The following ADAMTS9 variants were observed in gnomAD, a reference collection of about 807,000 sequenced individuals.
ADAMTS9 encodes the protein A disintegrin and metalloproteinase with thrombospondin motifs 9.
ADAMTS9 carries 107 observed loss-of-function variants against 257.1 expected under a neutral mutation model. That is an observed-to-expected ratio of 0.42 (90% CI 0.36 to 0.49). ADAMTS9 has a LOEUF of 0.49. ADAMTS9 is among the 20% of genes least tolerant of loss of function. ADAMTS9 has a pLI of 0.03. For synonymous variants in ADAMTS9, 982 were observed against 880.9 expected, an observed-to-expected ratio of 1.11 and a Z score of -2.03; for missense variants, 2,353 against 2,469.1, an observed-to-expected ratio of 0.95 and a Z score of 1.00.
intron 23 of ADAMTS9, among the ~76,000 whole-genome samples, chr3:64,606,527 C>T (rs2084558953): frequency 6.6e-6 from 1 of 152,156 alleles, no homozygotes; most frequent in Admixed American, 6.5e-5. Flanking sequence ...TTTATATTTT[C>T]AGTTTTTAGT....
chr3:64,534,705 T>C (rs2083024913), intron 37 of ADAMTS9, among the ~76,000 whole-genome samples: 1 of 152,166 alleles, frequency 6.6e-6, no homozygotes, highest in African/African-American at 2.4e-5. Flanking sequence ...TCAGTGGTTC[T>C]CAACAGGGCA....
At chr3:64,676,755 C>A (rs1701633667) in intron 3 of ADAMTS9, among the ~76,000 whole-genome samples, 1 of 152,166 alleles carries the variant, frequency 6.6e-6, no homozygotes, top group Non-Finnish European at 1.5e-5. Flanking sequence ...TCATAAACAC[C>A]TTTACACAAT....
rs765213253 is a variant in ADAMTS9 at position 64,622,591 on chromosome 3, A to G, written c.2390-5T>C. 1 of 1,613,680 alleles carries G rather than the reference A, an allele frequency of 6.2e-7. No homozygotes were observed. The highest frequency in any genetic ancestry group is 1.7e-5 in the Admixed American group (1 of 60,000). Reference sequence around the variant, plus strand: ...CACCTTTACTGCTTGATAAAGCTGTAGGTGAAGAAACAGAATAATACATTG... The same window carrying G: ...CACCTTTACTGCTTGATAAAGCTGTGGGTGAAGAAACAGAATAATACATTG... On this transcript the variant is annotated splice_polypyrimidine_tract_variant and splice_region_variant and intron_variant, in intron 16 of 39. Coordinates refer to ENST00000498707, the MANE Select transcript of ADAMTS9 (RefSeq NM_182920.2).
chr3:64,546,195 A>G (rs1308680017), intron 32 of ADAMTS9, among the ~76,000 whole-genome samples: 1 of 152,124 alleles, frequency 6.6e-6, no homozygotes, highest in African/African-American at 2.4e-5. Flanking sequence ...TAGGCTGAGT[A>G]TCCCTTATTG....
At chr3:64,633,644 C>A in intron 13 of ADAMTS9, 36 bp from the exon 14 acceptor site, 2 of 1,613,904 alleles carry the variant, frequency 1.2e-6, no homozygotes, top group Non-Finnish European at 8.5e-7. Context: ...GACTTTTGTG[C>A]CTGGCCTCAG....
intron 25 of ADAMTS9, among the ~76,000 whole-genome samples, chr3:64,603,576 T>TC (rs1290302764): frequency 6.6e-6 from 1 of 152,024 alleles, no homozygotes; most frequent in Non-Finnish European, 1.5e-5. Context: ...TAAGAGCCTC[T>TC]CCCCTCACTC....
At chr3:64,631,729 T>G in intron 15 of ADAMTS9, 79 bp downstream of exon 15, 1 of 1,338,142 alleles carries the variant, frequency 7.5e-7, no homozygotes, top group Non-Finnish European at 1.1e-6. Context: ...ACATTAATAT[T>G]TTTGCATATT....
chr3:64,658,485 C>G lies in ADAMTS9; in HGVS notation c.969+17G>C, dbSNP rs749949249. On this transcript the variant is annotated intron_variant, in intron 4 of 39. Coordinates refer to ENST00000498707, the MANE Select transcript of ADAMTS9 (RefSeq NM_182920.2). ...ATTTAGAGACCTCATAAATCACCTT[C>G]GTTTGAATGTACTTACAATTGACAT... The G allele has an allele frequency of 6.2e-7, 1 of 1,601,596 alleles. No homozygotes were observed. The highest frequency in any genetic ancestry group is 1.1e-5 in the South Asian group (1 of 89,278).
chr3:64,595,207 C>T (rs971719195), intron 27 of ADAMTS9, among the ~76,000 whole-genome samples: 9 of 152,166 alleles, frequency 5.9e-5, no homozygotes, highest in Admixed American at 1.3e-4. Flanking sequence ...TCTCTGACTC[C>T]GTCTCCATAG....
At chr3:64,568,690 A>G in intron 28 of ADAMTS9, 155 bp from the exon 29 acceptor site, 1 of 811,776 alleles carries the variant, frequency 1.2e-6, no homozygotes, top group Non-Finnish European at 1.9e-6. Context: ...AAGGCTTAAT[A>G]GGGAAGGAAG....
chr3:64,602,355 T>G, intron 25 of ADAMTS9, 142 bp from the exon 26 acceptor site: 1 of 855,714 alleles, frequency 1.2e-6, no homozygotes, highest in South Asian at 1.8e-5. Flanking sequence ...TGTCTCCTCT[T>G]TTTTTCCCAT....
Position 64,686,551 on chromosome 3 carries a change from G to A in ADAMTS9, c.516+17C>T. 1 of 1,582,174 alleles carries A rather than the reference G, an allele frequency of 6.3e-7. No individual in the cohort carries two copies. Among genetic ancestry groups the A allele is most frequent in the East Asian group, 2.3e-5 (1 of 44,070 alleles). ...GAGGAGGCGGAAGGGGAGAGGAGGT[G>A]GCGCGCGCCCACTTACCATTCCTGA... On this transcript the variant is annotated intron_variant, in intron 2 of 39. Coordinates refer to ENST00000498707, the MANE Select transcript of ADAMTS9 (RefSeq NM_182920.2). This position sits in a 1 kb window ranked among gnomAD's most constrained non-coding sequence, Gnocchi z 4.6.
At chr3:64,562,589 T>G (rs190309190) in intron 29 of ADAMTS9, among the ~76,000 whole-genome samples, 149 of 152,284 alleles carry the variant, frequency 9.8e-4, no homozygotes, top group African/African-American at 3.2e-3. Flanking sequence ...AGCCAGAAAC[T>G]AAAGGCAACA....
intron 8 of ADAMTS9, among the ~76,000 whole-genome samples, chr3:64,651,674 C>T (rs1046119644): frequency 3.3e-5 from 5 of 152,070 alleles, no homozygotes; most frequent in Non-Finnish European, 5.9e-5. Context: ...TATATACCTG[C>T]GTAGGTATAT....
In ADAMTS9 at chr3:64,607,051, T is replaced by C. The variant is rs1267994183; in HGVS notation, c.3383A>G (p.Gln1128Arg). The stretch of plus-strand genomic sequence containing the variant: ...AATGATGCATTTCACTGCTCTTAGC[T>C]GGTATCCCTGTCCACAAGTGACACT... ...QCSVTCGQGY[Q>R]LRAVKCIIGT... Residue 1128 changes from glutamine (Q) to arginine (R), a missense_variant, in exon 23 of 40, where the codon CAG becomes CGG. By Grantham distance (43) the Gln-to-Arg change is conservative. Coordinates refer to ENST00000498707, the MANE Select transcript of ADAMTS9 (RefSeq NM_182920.2). 3 of 1,613,730 alleles carry C rather than the reference T, an allele frequency of 1.9e-6. No individual in the cohort carries two copies. Among genetic ancestry groups the C allele is most frequent in the Admixed American group, 1.7e-5 (1 of 60,002 alleles).
chr3:64,542,430 CT>C (rs56812239), intron 32 of ADAMTS9, among the ~76,000 whole-genome samples: 191 of 124,538 alleles, frequency 1.5e-3, no homozygotes, highest in Admixed American at 2.9e-3. Flanking sequence ...TTCTTTCTTT[CT>C]TTTTTTTTTT....
At chr3:64,605,114 G>T (rs1202857986) in intron 23 of ADAMTS9, among the ~76,000 whole-genome samples, 2 of 152,186 alleles carry the variant, frequency 1.3e-5, no homozygotes, top group African/African-American at 2.4e-5. Flanking sequence ...TGTGGAATGT[G>T]AAATTTTGTT....
chr3:64,654,771 T>G (rs1335487841), intron 6 of ADAMTS9, 159 bp from the exon 7 acceptor site: 1 of 697,608 alleles, frequency 1.4e-6, no homozygotes, highest in African/African-American at 1.8e-5. Flanking sequence ...ACTCAAAAAA[T>G]TTTTGGAATT....
At chr3:64,545,272 G>A (rs1173136766) in intron 32 of ADAMTS9, among the ~76,000 whole-genome samples, 7 of 152,136 alleles carry the variant, frequency 4.6e-5, no homozygotes, top group Non-Finnish European at 1.0e-4. Flanking sequence ...ATACCCAAAG[G>A]ATTATAAATC....
Sources: gnomAD v4.1 joint callset for allele counts (sites outside exome capture counted in the v4.1 genomes callset) on GRCh38, gnomAD v4.1.1 for gene constraint, Gnocchi (gnomAD v3.1) non-coding constraint, MANE v1.5 for transcripts, NCBI Gene and HGNC (gene_info 2026-07-23, HGNC 2026-07-21) for gene names.